Variants in USP49 observed in about 807,000 individuals in gnomAD.
USP49 encodes ubiquitin carboxyl-terminal hydrolase 49.
In USP49, 24 loss-of-function variants were observed where a neutral mutation model predicts 58.6. That is an observed-to-expected ratio of 0.41 (90% CI 0.30 to 0.58). USP49 has a LOEUF of 0.58. Among genes scored for constraint, USP49 ranks in the 20% least tolerant of loss-of-function variants. USP49 has a pLI of 0.30. For missense variants in USP49, 703 were observed against 866.1 expected, an observed-to-expected ratio of 0.81 and a Z score of 2.36; for synonymous variants, 408 against 365.1, an observed-to-expected ratio of 1.12 and a Z score of -1.34.
intron 3 of USP49, among the ~76,000 whole-genome samples, chr6:41,862,773 T>C (rs182305700): frequency 1.4e-3 from 211 of 152,318 alleles, no homozygotes; most frequent in Non-Finnish European, 2.1e-3. Context: ...ATATTTATTT[T>C]GTTTGACTTT....
intron 2 of USP49, chr6:41,872,921 G>C (rs1344225573): frequency 6.7e-6 from 1 of 149,124 alleles, no homozygotes; most frequent in East Asian, 2.0e-4. Flanking sequence ...AAAAAAAAAA[G>C]AAAATATGTT....
At chr6:41,834,149 C>T (rs549187576) in intron 3 of USP49, among the ~76,000 whole-genome samples, 2 of 152,314 alleles carry the variant, frequency 1.3e-5, no homozygotes, top group East Asian at 3.9e-4. Context: ...ATGGGGCATT[C>T]TTGGGTCTCT....
chr6:41,798,442 T>G lies in USP49; in HGVS notation c.1876+282A>C, dbSNP rs1057035768. The G allele has an allele frequency of 3.7e-5, 26 of 700,822 alleles. No individual in the cohort carries two copies. The African/African-American group carries it at 4.2e-4, about 11-fold the overall frequency. The allele number at this position is 700,822 out of a possible 1,614,324, so 43.4% of individuals were successfully genotyped here. A position where few individuals can be genotyped will look rare whatever the true frequency, so the allele number is the denominator to read the frequency against. On this transcript the variant is annotated intron_variant, in intron 7 of 7. Transcript: ENST00000682992. ...GTGCCCACCACCACGCCCGGCTAAT[T>G]TTTGTACTATTTTAGTAGAGACGGG...
chr6:41,852,981 G>A (rs1774056403), intron 3 of USP49, among the ~76,000 whole-genome samples: 1 of 152,190 alleles, frequency 6.6e-6, no homozygotes, highest in Admixed American at 6.5e-5. Context: ...CCTGAGGTCA[G>A]GAGTTCGAAA....
intron 6 of USP49, 150 bp from the exon 7 acceptor site, chr6:41,799,079 CTTATTTATTTATTTATTTATTTAT>C: frequency 2.8e-6 from 1 of 360,198 alleles, no homozygotes; most frequent in Admixed American, 5.4e-5. Flanking sequence ...AATGTTCACA[CTTATTTATTTATTTATTTATTTAT>C]TTATTTATTT....
intron 3 of USP49, among the ~76,000 whole-genome samples, chr6:41,853,093 G>T (rs1045838220): frequency 6.6e-6 from 1 of 152,184 alleles, no homozygotes. Flanking sequence ...GGCTAAGGCA[G>T]GAGAATCGCT....
chr6:41,879,395 A>AT lies in USP49; in HGVS notation c.-102-7759dup, dbSNP rs556713046. Among the ~76,000 whole-genome samples the AT allele has an allele frequency of 8.5e-3, 1,265 of 149,098 alleles. 35 individuals are homozygous for AT. Among genetic ancestry groups the AT allele is most frequent in the Admixed American group, 0.053 (792 of 14,910 alleles). Reference sequence around the variant, plus strand: ...AGGTGCATGCCACCACACCTGGTTAATTTTTTTTTTTCTAGTTTTATGTAG... The same window carrying AT: ...AGGTGCATGCCACCACACCTGGTTAATTTTTTTTTTTTCTAGTTTTATGTAG... On this transcript the variant is annotated intron_variant, in intron 2 of 7. Transcript: ENST00000682992.
intron 3 of USP49, among the ~76,000 whole-genome samples, chr6:41,810,787 T>C (rs1773244400): frequency 6.6e-6 from 1 of 151,486 alleles, no homozygotes; most frequent in African/African-American, 2.4e-5. Flanking sequence ...CCTCAGGTGA[T>C]CCTGAGGTCA....
In USP49 at chr6:41,817,176, G is replaced by A. The variant is rs1271896645; in HGVS notation, c.-28-10165C>T. 4.8e-5 allele frequency among the ~76,000 whole-genome samples: 4 copies of A among 83,584 alleles called. No homozygotes were observed. The Admixed American group carries it at 6.8e-4, about 14-fold the overall frequency. The allele number at this position is 83,584 out of a possible 152,430, so 54.8% of individuals were successfully genotyped here. A position where few individuals can be genotyped will look rare whatever the true frequency, so the allele number is the denominator to read the frequency against. ...TTTTTTTTTTTTTTTTTGAGACAGAGTCTTGCTCTGTCGCCAGGCTGGAGT... is the reference window on the plus strand; with the variant it reads ...TTTTTTTTTTTTTTTTTGAGACAGAATCTTGCTCTGTCGCCAGGCTGGAGT... On this transcript the variant is annotated intron_variant, in intron 3 of 7. Coordinates refer to ENST00000682992, the MANE Select transcript of USP49 (RefSeq NM_001286554.2).
intron 3 of USP49, among the ~76,000 whole-genome samples, chr6:41,843,887 T>C (rs1226373536): frequency 1.3e-5 from 2 of 151,946 alleles, no homozygotes; most frequent in Non-Finnish European, 2.9e-5. Flanking sequence ...CTACTAAAAA[T>C]ACAAAAATTA....
intron 3 of USP49, among the ~76,000 whole-genome samples, chr6:41,824,567 G>A (rs954281443): frequency 6.6e-6 from 1 of 151,972 alleles, no homozygotes; most frequent in African/African-American, 2.4e-5. Context: ...CAAAATTAGC[G>A]TGGTGGTACA....
chr6:41,829,194 C>A (rs1055109587), intron 3 of USP49, among the ~76,000 whole-genome samples: 1 of 152,062 alleles, frequency 6.6e-6, no homozygotes, highest in Non-Finnish European at 1.5e-5. Flanking sequence ...AAATATTTAA[C>A]GACCATTTTG....
intron 2 of USP49, among the ~76,000 whole-genome samples, chr6:41,884,324 A>G (rs1377078187): frequency 6.6e-6 from 1 of 152,204 alleles, no homozygotes; most frequent in Non-Finnish European, 1.5e-5. Flanking sequence ...CGCCAGGCCC[A>G]TAACATAGAT....
At chr6:41,807,077 T>TAAAAA in intron 3 of USP49, 66 bp from the exon 4 acceptor site, 8 of 1,040,672 alleles carry the variant, frequency 7.7e-6, no homozygotes, top group South Asian at 4.6e-5. Context: ...ATATTTTCCT[T>TAAAAA]AAAAAAAAAA....
At chr6:41,821,172 C>G (rs1295382852) in intron 3 of USP49, among the ~76,000 whole-genome samples, 1 of 151,918 alleles carries the variant, frequency 6.6e-6, no homozygotes, top group African/African-American at 2.4e-5. Flanking sequence ...TGAAATGTAC[C>G]CTTTGAAAAA....
Position 41,806,124 on chromosome 6 carries a change from G to T in USP49, c.860C>A (p.Ser287Tyr). The T allele has an allele frequency of 6.2e-7, 1 of 1,613,912 alleles. No individual in the cohort carries two copies. The highest frequency in any genetic ancestry group is 8.5e-7 in the Non-Finnish European group (1 of 1,180,044). Residue 287 changes from serine to tyrosine, a missense_variant, in exon 4 of 8, where the codon TCC (serine) becomes TAC (tyrosine). Physicochemically the swap from Ser to Tyr is moderately radical, Grantham distance 144. Transcript: ENST00000682992. The surrounding 1 kb of genome is among the most constrained non-coding windows in gnomAD (Gnocchi z 5.9). ...FRECFLNLDP[S>Y]KTEHLFPKAT... is the part of the protein sequence containing the mutation. The stretch of plus-strand genomic sequence containing the variant: ...TTTGGGAAACAGATGTTCCGTTTTG[G>T]AAGGGTCAAGGTTGAGGAAACATTC...
intron 3 of USP49, among the ~76,000 whole-genome samples, chr6:41,810,713 A>T (rs1176153134): frequency 2.0e-5 from 3 of 150,536 alleles, no homozygotes; most frequent in African/African-American, 7.3e-5. Context: ...CACCCAGCTA[A>T]TTTTTGTATT....
At chr6:41,797,505 A>T in intron 7 of USP49, 1 of 452,268 alleles carries the variant, frequency 2.2e-6, no homozygotes, top group Non-Finnish European at 2.9e-6. Flanking sequence ...AGCTGAAAAC[A>T]CATCTGCAGC....
intron 3 of USP49, among the ~76,000 whole-genome samples, chr6:41,813,266 C>T (rs2127328667): frequency 6.6e-6 from 1 of 152,282 alleles, no homozygotes. Flanking sequence ...CCTCTTACAA[C>T]TCAAAACCTG....
Sources: allele counts gnomAD v4.1 joint callset (sites outside exome capture counted in the v4.1 genomes callset), GRCh38; gene constraint gnomAD v4.1.1; non-coding constraint Gnocchi (gnomAD v3.1); transcripts MANE v1.5; gene names NCBI Gene and HGNC (gene_info 2026-07-23, HGNC 2026-07-21).